CATSPERE: variants seen among roughly 807,000 people sequenced by gnomAD.
CATSPERE encodes catsper channel auxiliary subunit epsilon.
In CATSPERE, 93 loss-of-function variants were observed where a neutral mutation model predicts 114.1. That is an observed-to-expected ratio of 0.81 (90% CI 0.69 to 0.97). The LOEUF is 0.97. Among genes scored for constraint, CATSPERE ranks in the 50% least tolerant of loss-of-function variants. The pLI, the probability that CATSPERE is intolerant of heterozygous loss-of-function variation, is 0.00. For synonymous variants in CATSPERE, 341 were observed against 384.1 expected (o/e 0.89, Z 1.31); for missense variants, 1,058 against 1,131.6 (o/e 0.93, Z 0.93).
Position 244,502,578 on chromosome 1 carries a change from T to C in CATSPERE, c.429+3499T>C, listed in dbSNP as rs565630557. Among the ~76,000 whole-genome samples the C allele has an allele frequency of 5.3e-5, 8 of 152,266 alleles. No individual in the cohort carries two copies. The East Asian group carries it at 1.4e-3, about 26-fold the overall frequency. On this transcript the variant is annotated intron_variant, in intron 7 of 21. Transcript: ENST00000366534. ...TGTCTCAGTGTTTTAAAGACACTGT[T>C]TCACCGGCTCCTTACTTCCACTGTT...
At chr1:244,638,409 G>C (rs1674910096) in intron 21 of CATSPERE, among the ~76,000 whole-genome samples, 1 of 152,166 alleles carries the variant, frequency 6.6e-6, no homozygotes. Context: ...TCTCTCCCTA[G>C]TAAAGAAAGC....
chr1:244,541,222 C>G (rs1658655253), intron 8 of CATSPERE, among the ~76,000 whole-genome samples: 2 of 150,352 alleles, frequency 1.3e-5, no homozygotes, highest in African/African-American at 4.9e-5. Flanking sequence ...AACAGGCAAC[C>G]TACAAAATGG....
At chr1:244,464,424 C>A (rs75328959) in intron 2 of CATSPERE, among the ~76,000 whole-genome samples, 4,643 of 152,212 alleles carry the variant, frequency 0.031, 288 homozygotes, top group East Asian at 0.22. Flanking sequence ...ATTTTATATA[C>A]CCCTATTGCT....
At chr1:244,621,700 A>C (rs1289015768) in intron 20 of CATSPERE, among the ~76,000 whole-genome samples, 1 of 152,146 alleles carries the variant, frequency 6.6e-6, no homozygotes, top group African/African-American at 2.4e-5. Flanking sequence ...AAATGCTGAA[A>C]TTTATTTATA....
chr1:244,517,375 G>A (rs1268620271), intron 7 of CATSPERE, among the ~76,000 whole-genome samples: 1 of 151,808 alleles, frequency 6.6e-6, no homozygotes, highest in Non-Finnish European at 1.5e-5. Flanking sequence ...TATACAAAAG[G>A]TAGTTGTATT....
Position 244,572,363 on chromosome 1 carries a change from A to G in CATSPERE, c.1541A>G (p.Asn514Ser). The change falls in exon 11 of 22, where the codon AAT becomes AGT. Residue 514 changes from asparagine to serine, a missense_variant. Transcript: ENST00000366534. The part of the protein sequence containing the change: ...YYGDILVKME[N>S]NVIFYSKINT... Reference sequence around the variant, plus strand: ...GGAGATATTTTGGTAAAAATGGAAAATAATGTAATATTTTATTCCAAGATT... The same window carrying G: ...GGAGATATTTTGGTAAAAATGGAAAGTAATGTAATATTTTATTCCAAGATT... 2 of 1,504,412 alleles carry G rather than the reference A, an allele frequency of 1.3e-6. No individual in the cohort carries two copies. Among genetic ancestry groups the G allele is most frequent in the Non-Finnish European group, 1.8e-6 (2 of 1,092,808 alleles). 93.2% of individuals were successfully genotyped at this position (1,504,412 alleles called of 1,614,324 possible).
At position 244,600,367 on chromosome 1, in the gene CATSPERE, AAAAAAG is replaced by A. The variant is rs1558570608; in HGVS notation, c.2304-5326_2304-5321del. ...AAGAGCTACCTAGTCCAAAAAAAAA[AAAAAAG>A]AGAGAGAGAGAGACTAGAAAACTCT... On this transcript the variant is annotated intron_variant, in intron 17 of 21. Coordinates refer to ENST00000366534, the MANE Select transcript of CATSPERE (RefSeq NM_001130957.2). 5.9e-5 allele frequency among the ~76,000 whole-genome samples: 7 copies of A among 119,212 alleles called. 1 individual carries two copies. In the South Asian group the frequency reaches 2.0e-3, roughly 35 times the overall value. 78.2% of individuals were successfully genotyped at this position (119,212 alleles called of 152,430 possible). A position where few individuals can be genotyped will look rare whatever the true frequency, so the allele number is the denominator to read the frequency against.
chr1:244,572,913 C>A (rs956652765), intron 11 of CATSPERE, 141 bp downstream of exon 11: 1 of 633,252 alleles, frequency 1.6e-6, no homozygotes. Context: ...AATAAAAACA[C>A]AATAAGCCAT....
intron 7 of CATSPERE, among the ~76,000 whole-genome samples, chr1:244,501,071 T>C (rs1409136146): frequency 2.6e-5 from 4 of 152,182 alleles, no homozygotes; most frequent in African/African-American, 9.7e-5. Context: ...CCCTTGTAAG[T>C]TGTATTCCTA....
intron 8 of CATSPERE, among the ~76,000 whole-genome samples, chr1:244,535,184 T>G (rs1680192664): frequency 6.6e-6 from 1 of 152,214 alleles, no homozygotes; most frequent in Non-Finnish European, 1.5e-5. Flanking sequence ...CTGTGGACAC[T>G]GCCACTGGGA....
Position 244,565,459 on chromosome 1 carries a change from T to C in CATSPERE, c.1507+4314T>C, listed in dbSNP as rs544686713. On this transcript the variant is annotated intron_variant, in intron 10 of 21. Coordinates refer to ENST00000366534, the MANE Select transcript of CATSPERE (RefSeq NM_001130957.2). ...TTGGTCTATTCAAGGATTTGACTTC[T>C]TCCTGGTTTCATTTTGGGAGGGTGT... 2.8e-4 allele frequency among the ~76,000 whole-genome samples: 42 copies of C among 152,346 alleles called. 1 individual carries two copies. Among genetic ancestry groups the C allele is most frequent in the Middle Eastern group, 3.4e-3 (1 of 294 alleles).
chr1:244,524,141 T>G (rs1026803405), intron 8 of CATSPERE, among the ~76,000 whole-genome samples: 2 of 149,108 alleles, frequency 1.3e-5, no homozygotes, highest in African/African-American at 5.2e-5. Context: ...AAAACAGAGA[T>G]ATAGATCAAT....
chr1:244,463,827 T>C, intron 1 of CATSPERE, 81 bp from the exon 2 acceptor site: 2 of 1,248,256 alleles, frequency 1.6e-6, no homozygotes, highest in Non-Finnish European at 2.4e-6. Context: ...GCAGCCCAGC[T>C]ATGCCCTGAC....
intron 6 of CATSPERE, among the ~76,000 whole-genome samples, chr1:244,496,615 G>A (rs1261625868): frequency 2.0e-5 from 3 of 152,088 alleles, no homozygotes; most frequent in African/African-American, 4.8e-5. Context: ...TGAAGGAAAG[G>A]CATACTATTT....
intron 19 of CATSPERE, among the ~76,000 whole-genome samples, chr1:244,611,724 C>G (rs7540302): frequency 6.6e-6 from 1 of 152,158 alleles, no homozygotes; most frequent in East Asian, 1.9e-4. Context: ...GAGTTAGGGA[C>G]AGGGATAAAT....
At chr1:244,503,400 C>G (rs528078704) in intron 7 of CATSPERE, among the ~76,000 whole-genome samples, 16 of 152,276 alleles carry the variant, frequency 1.1e-4, no homozygotes, top group African/African-American at 3.4e-4. Flanking sequence ...TCCCTTTCCT[C>G]TGGGATTCCA....
upstream of CATSPERE, among the ~76,000 whole-genome samples, chr1:244,454,139 C>G (rs1198076852): frequency 6.6e-6 from 1 of 152,026 alleles, no homozygotes; most frequent in African/African-American, 2.4e-5. Flanking sequence ...ACTCAAAACC[C>G]TCCTTATTTG....
rs536240372 is a variant in CATSPERE, at chr1:244,578,110, G to T, written c.1951-3686G>T. On this transcript the variant is annotated intron_variant, in intron 11 of 21. Coordinates refer to ENST00000366534, the MANE Select transcript of CATSPERE (RefSeq NM_001130957.2). ...TGTGGGGATTGGGGCACCAACCCCT[G>T]CCCAGTTGAAAATCTGGTATAACTT... 5.3e-5 allele frequency among the ~76,000 whole-genome samples: 8 copies of T among 152,282 alleles called. No individual in the cohort carries two copies. The South Asian group carries it at 1.7e-3, about 32-fold the overall frequency.
intron 5 of CATSPERE, among the ~76,000 whole-genome samples, chr1:244,483,145 T>A (rs1670509314): frequency 6.6e-6 from 1 of 152,196 alleles, no homozygotes. Context: ...TCTTGCTACT[T>A]AAAATGTAAT....
Sources: gnomAD v4.1 joint callset for allele counts (sites outside exome capture counted in the v4.1 genomes callset) on GRCh38, gnomAD v4.1.1 for gene constraint, MANE v1.5 for transcripts, NCBI Gene and HGNC (gene_info 2026-07-23, HGNC 2026-07-21) for gene names.